Variants in PARP8 observed in about 807,000 individuals in gnomAD.
PARP8 encodes protein mono-ADP-ribosyltransferase PARP8.
In PARP8, 51 loss-of-function variants were observed where a neutral mutation model predicts 124.1. That is an observed-to-expected ratio of 0.41 (90% CI 0.33 to 0.52). The LOEUF is 0.52. Among genes scored for constraint, PARP8 ranks in the 20% least tolerant of loss-of-function variants. PARP8 has a pLI of 0.21. For synonymous variants in PARP8, 391 were observed against 361.5 expected (o/e 1.08, Z -0.93); for missense variants, 860 against 1,018.9 (o/e 0.84, Z 2.12).
chr5:50,698,099 G>A (rs1753220738), intron 2 of PARP8, among the ~76,000 whole-genome samples: 1 of 152,174 alleles, frequency 6.6e-6, no homozygotes, highest in Non-Finnish European at 1.5e-5. Context: ...TGGAAGATAT[G>A]ACCTTCATGA....
At position 50,827,965 on chromosome 5, in the gene PARP8, C is replaced by T. The variant is rs34423469; in HGVS notation, c.1999C>T (p.Pro667Ser). ...VNRQLKFMHT[P>S]HQFLLLSSPP... ...GCAGCAATTGAAGTTTATGCATACT[C>T]CACATCAGTTCCTTCTTCTCAGCAG... Residue 667 changes from proline to serine, a missense_variant, in exon 20 of 26, where the codon CCA (proline) becomes TCA (serine). Transcript: ENST00000281631. 1.7e-5 allele frequency: 27 copies of T among 1,612,832 alleles called. No individual in the cohort carries two copies. Among genetic ancestry groups the T allele is most frequent in the Non-Finnish European group, 2.2e-5 (26 of 1,179,044 alleles).
chr5:50,780,296 T>C (rs1186630240), intron 9 of PARP8, among the ~76,000 whole-genome samples: 15 of 152,182 alleles, frequency 9.9e-5, no homozygotes, highest in Non-Finnish European at 1.8e-4. Flanking sequence ...TTTTCTTATT[T>C]TAGTGATTTG....
intron 2 of PARP8, among the ~76,000 whole-genome samples, chr5:50,689,830 A>G (rs1752302605): frequency 6.6e-6 from 1 of 152,176 alleles, no homozygotes; most frequent in South Asian, 2.1e-4. Context: ...AGGTCCCACC[A>G]TGCACCTGGA....
At chr5:50,773,400 T>C (rs1561359142) in intron 7 of PARP8, among the ~76,000 whole-genome samples, 1 of 152,206 alleles carries the variant, frequency 6.6e-6, no homozygotes, top group Admixed American at 6.5e-5. Context: ...GCATGGACAG[T>C]TTTCCCAGCA....
rs1189296044 is a variant in PARP8 at position 50,807,792 on chromosome 5, C to T, written c.1576-7640C>T. On this transcript the variant is annotated intron_variant, in intron 14 of 25. Transcript: ENST00000281631. ...GTTCTATGTGTCCTTGACTAATAGACTTTCTCATTTCCCACATCAACATGT... is the reference window on the plus strand; with the variant it reads ...GTTCTATGTGTCCTTGACTAATAGATTTTCTCATTTCCCACATCAACATGT... Among the ~76,000 whole-genome samples the T allele has an allele frequency of 2.0e-5, 3 of 152,168 alleles. No homozygotes were observed. The South Asian group carries it at 6.2e-4, about 32-fold the overall frequency.
chr5:50,827,112 C>T (rs895490197), intron 19 of PARP8, among the ~76,000 whole-genome samples: 3 of 152,064 alleles, frequency 2.0e-5, no homozygotes, highest in Non-Finnish European at 4.4e-5. Flanking sequence ...AGTTAATGTG[C>T]TTTATAATCG....
In PARP8 at chr5:50,667,072, G is replaced by T; in HGVS notation, c.-24G>T. 2 of 1,596,142 alleles carry T rather than the reference G, an allele frequency of 1.3e-6. No individual in the cohort carries two copies. Among genetic ancestry groups the T allele is most frequent in the Non-Finnish European group, 1.7e-6 (2 of 1,179,646 alleles). ...GTGGGGTGGGGTGGAAATAGCGGCT[G>T]CTTCTTTTCCAGGGATTTATTTAAT... On this transcript the variant is annotated 5_prime_UTR_variant, in exon 1 of 26. Coordinates refer to ENST00000281631, the MANE Select transcript of PARP8 (RefSeq NM_024615.4).
At chr5:50,699,045 G>A (rs1753319055) in intron 2 of PARP8, among the ~76,000 whole-genome samples, 1 of 152,156 alleles carries the variant, frequency 6.6e-6, no homozygotes, top group Admixed American at 6.5e-5. Flanking sequence ...CAGGAAATGA[G>A]GACACAGTGG....
Position 50,719,646 on chromosome 5 carries a change from A to T in PARP8, c.147-30505A>T, listed in dbSNP as rs776162012. Among the ~76,000 whole-genome samples, 103 of 152,048 alleles carry T rather than the reference A, an allele frequency of 6.8e-4. No homozygotes were observed. The Middle Eastern group carries it at 0.01, about 15-fold the overall frequency. On this transcript the variant is annotated intron_variant, in intron 2 of 25. Coordinates refer to ENST00000281631, the MANE Select transcript of PARP8 (RefSeq NM_024615.4). ...AAATAAGTTGACTGTTAATGCATGG[A>T]TTTATTTCTGGGTTCCCTATTCCAT... is the stretch of plus-strand genomic sequence containing the variant.
intron 21 of PARP8, 64 bp from the exon 22 acceptor site, chr5:50,829,828 T>A: frequency 6.9e-7 from 1 of 1,444,396 alleles, no homozygotes; most frequent in Non-Finnish European, 9.3e-7. Flanking sequence ...CTGATTGCTT[T>A]GTCAAATATT....
intron 3 of PARP8, among the ~76,000 whole-genome samples, chr5:50,752,248 A>T (rs1282548492): frequency 1.3e-5 from 2 of 152,098 alleles, no homozygotes; most frequent in South Asian, 4.1e-4. Context: ...ATGTTGAGCT[A>T]TGAGAATTAT....
At chr5:50,825,206 C>G (rs1176241742) in intron 18 of PARP8, among the ~76,000 whole-genome samples, 2 of 152,034 alleles carry the variant, frequency 1.3e-5, no homozygotes, top group South Asian at 2.1e-4. Context: ...CATGCACTAC[C>G]AGGGATAAAT....
At chr5:50,789,131 T>C (rs1741648202) in intron 10 of PARP8, among the ~76,000 whole-genome samples, 1 of 152,156 alleles carries the variant, frequency 6.6e-6, no homozygotes, top group South Asian at 2.1e-4. Context: ...CTATCCCTAA[T>C]TGCCATTCCT....
rs540812115 is a variant in PARP8 at position 50,667,044 on chromosome 5, G to A, written c.-52G>A. 2 of 1,595,832 alleles carry A rather than the reference G, an allele frequency of 1.3e-6. No homozygotes were observed. Among genetic ancestry groups the A allele is most frequent in the Admixed American group, 1.7e-5 (1 of 59,986 alleles). Reference sequence around the variant, plus strand: ...TTACGAAAGCTGGAAGCGTGCGAGGGGGGTGGGGTGGGGTGGAAATAGCGG... The same window carrying A: ...TTACGAAAGCTGGAAGCGTGCGAGGAGGGTGGGGTGGGGTGGAAATAGCGG... On this transcript the variant is annotated 5_prime_UTR_variant, in exon 1 of 26. Coordinates refer to ENST00000281631, the MANE Select transcript of PARP8 (RefSeq NM_024615.4).
At chr5:50,813,004 G>C (rs1433885187) in intron 14 of PARP8, among the ~76,000 whole-genome samples, 1 of 152,130 alleles carries the variant, frequency 6.6e-6, no homozygotes, top group East Asian at 1.9e-4. Context: ...TAGCCTTGTA[G>C]TATAGTTTGA....
intron 14 of PARP8, among the ~76,000 whole-genome samples, chr5:50,801,335 G>T (rs1188594445): frequency 6.6e-6 from 1 of 152,074 alleles, no homozygotes; most frequent in East Asian, 1.9e-4. Flanking sequence ...CTGACCTCAG[G>T]TGATCCGCCC....
In PARP8 at chr5:50,828,293, T is replaced by G. The variant is rs1165487144; in HGVS notation, c.2091-19T>G. ...TTAATTTTCTGGTTTTGCTTTTTCCTTTCCGTCTGTTTTTTTAGTGGCTCA... is the reference window on the plus strand; with the variant it reads ...TTAATTTTCTGGTTTTGCTTTTTCCGTTCCGTCTGTTTTTTTAGTGGCTCA... On this transcript the variant is annotated intron_variant, in intron 20 of 25. Transcript: ENST00000281631. 6.2e-7 allele frequency: 1 copy of G among 1,610,060 alleles called. No homozygotes were observed. The highest frequency in any genetic ancestry group is 1.7e-5 in the Admixed American group (1 of 59,576).
At chr5:50,788,490 C>T (rs1381866982) in intron 9 of PARP8, 33 bp from the exon 10 acceptor site, 14 of 1,593,814 alleles carry the variant, frequency 8.8e-6, no homozygotes, top group Admixed American at 5.0e-5. Flanking sequence ...AGTTTCAAGT[C>T]AATATGTGAC....
At chr5:50,681,558 A>G (rs1751294063) in intron 2 of PARP8, among the ~76,000 whole-genome samples, 1 of 152,150 alleles carries the variant, frequency 6.6e-6, no homozygotes, top group Admixed American at 6.6e-5. Context: ...ACAGCTTTAA[A>G]TCATCTAGGA....
Sources: allele counts gnomAD v4.1 joint callset (sites outside exome capture counted in the v4.1 genomes callset), GRCh38; gene constraint gnomAD v4.1.1; transcripts MANE v1.5; gene names NCBI Gene and HGNC (gene_info 2026-07-23, HGNC 2026-07-21).